The following MAP6 variants were observed in gnomAD, a reference collection of about 807,000 sequenced individuals.
The protein encoded by MAP6 is microtubule-associated protein 6.
Under a neutral mutation model 42.4 loss-of-function variants are expected in MAP6, and 26 were observed. The observed-to-expected ratio is 0.61, with a 90% CI of 0.45 to 0.85. The LOEUF is 0.85. Ranked by LOEUF, MAP6 falls within the 40% of genes least tolerant of loss-of-function variation. The pLI is 0.00. For synonymous variants in MAP6, 418 were observed against 443.8 expected (o/e 0.94, Z 0.73); for missense variants, 966 against 1,099.0 (o/e 0.88, Z 1.71).
intron 1 of MAP6, chr11:75,642,915 C>A: frequency 2.1e-6 from 1 of 485,890 alleles, no homozygotes. Flanking sequence ...AATGATTAGT[C>A]AGCACAATAA....
At chr11:75,622,421 T>C (rs1376126620) in intron 1 of MAP6, among the ~76,000 whole-genome samples, 1 of 151,964 alleles carries the variant, frequency 6.6e-6, no homozygotes, top group African/African-American at 2.4e-5. Flanking sequence ...GTAATAAATG[T>C]AAAAAAAGAA....
chr11:75,620,004 TG>T, intron 1 of MAP6, among the ~76,000 whole-genome samples: 1 of 152,226 alleles, frequency 6.6e-6, no homozygotes, highest in East Asian at 1.9e-4. Flanking sequence ...TTTTAATAAC[TG>T]CCATTCTGAC....
chr11:75,636,450 G>A (rs1943370723), intron 1 of MAP6, among the ~76,000 whole-genome samples: 1 of 152,126 alleles, frequency 6.6e-6, no homozygotes, highest in South Asian at 2.1e-4. Flanking sequence ...TCTGTATTAA[G>A]GGCATCTTTT....
chr11:75,662,160 T>C (rs1333383731), intron 1 of MAP6, among the ~76,000 whole-genome samples: 1 of 152,268 alleles, frequency 6.6e-6, no homozygotes. Context: ...GTGACCCTTA[T>C]GTGATAGAGG....
At chr11:75,605,596 G>GC in intron 3 of MAP6, 1 of 1,354,328 alleles carries the variant, frequency 7.4e-7, no homozygotes, top group Non-Finnish European at 9.5e-7. Context: ...TCCAGGGGCT[G>GC]CCCTCAGGAG....
Position 75,609,832 on chromosome 11 carries a change from T to C in MAP6, c.906-1510A>G, listed in dbSNP as rs967367403. ...TCCCCACCTAGATGCCCCATTGTTA[T>C]GGTTCGAATGTTTGTCCCCTCTAAA... On this transcript the variant is annotated intron_variant, in intron 1 of 3. Transcript: ENST00000304771. Among the ~76,000 whole-genome samples the C allele has an allele frequency of 2.0e-5, 3 of 152,258 alleles. No homozygotes were observed. The South Asian group carries it at 6.2e-4, about 32-fold the overall frequency.
chr11:75,594,545 C>T (rs1287883106), intron 3 of MAP6: 1 of 152,194 alleles, frequency 6.6e-6, no homozygotes, highest in African/African-American at 2.4e-5. Flanking sequence ...TAGTAATTAT[C>T]CTGTTCTTTG....
At chr11:75,650,542 G>C (rs80125100) in intron 1 of MAP6, among the ~76,000 whole-genome samples, 1 of 152,166 alleles carries the variant, frequency 6.6e-6, no homozygotes, top group Non-Finnish European at 1.5e-5. Flanking sequence ...ACATAGTTCA[G>C]AGTCTGTTCC....
intron 1 of MAP6, among the ~76,000 whole-genome samples, chr11:75,647,127 T>C (rs1419499504): frequency 3.3e-5 from 5 of 151,790 alleles, no homozygotes; most frequent in East Asian, 2.0e-4. Context: ...ATTACAGGCA[T>C]GTACCACCAG....
chr11:75,612,819 G>A (rs1237564861), intron 1 of MAP6, among the ~76,000 whole-genome samples: 1 of 152,170 alleles, frequency 6.6e-6, no homozygotes, highest in Non-Finnish European at 1.5e-5. Flanking sequence ...TCCTCTTCCA[G>A]GAACCTCTCC....
rs201003999 is a variant in MAP6 at position 75,587,610 on chromosome 11, T to C, written c.1891A>G (p.Met631Val). 8.7e-6 allele frequency: 14 copies of C among 1,614,006 alleles called. No individual in the cohort carries two copies. The highest frequency in any genetic ancestry group is 1.3e-5 in the African/African-American group (1 of 74,906). The part of the protein sequence containing the change: ...VPAPVKDEGP[M>V]VSAPIKDQDP... ...TGATCCTTGATAGGTGCTGAGACCA[T>C]GGGACCTTCATCCTTGACAGGTGCT... The change falls in exon 4 of 4, where the codon ATG (methionine) becomes GTG (valine). Residue 631 changes from methionine (M) to valine (V), a missense_variant. Physicochemically the swap from Met to Val is conservative, Grantham distance 21 (BLOSUM62 1). Transcript: ENST00000304771.
At position 75,667,076 on chromosome 11, in the gene MAP6, A is replaced by C. The variant is rs548101071; in HGVS notation, c.905+389T>G. 6.6e-6 allele frequency among the ~76,000 whole-genome samples: 1 copy of C among 152,266 alleles called. No individual in the cohort carries two copies. Among genetic ancestry groups the C allele is most frequent in the African/African-American group, 2.4e-5 (1 of 41,550 alleles). The stretch of plus-strand genomic sequence containing the variant: ...TTGGAAAGAATTCTTCTTCTGGAAG[A>C]ATGGGGACCCTGCAAAGGGCAACAT... On this transcript the variant is annotated intron_variant, in intron 1 of 3. Coordinates refer to ENST00000304771, the MANE Select transcript of MAP6 (RefSeq NM_033063.2). The surrounding 1 kb of genome is among the most constrained non-coding windows in gnomAD (Gnocchi z 5.6).
chr11:75,618,842 G>A (rs1028289190), intron 1 of MAP6, among the ~76,000 whole-genome samples: 14 of 152,196 alleles, frequency 9.2e-5, no homozygotes, highest in African/African-American at 3.4e-4. Flanking sequence ...TGATCCAATA[G>A]TGCCAAACCC....
At position 75,664,097 on chromosome 11, in the gene MAP6, C is replaced by T. The variant is rs74657431; in HGVS notation, c.905+3368G>A. 4.5e-3 allele frequency among the ~76,000 whole-genome samples: 692 copies of T among 152,282 alleles called. 5 individuals carry two copies. The highest frequency in any genetic ancestry group is 0.015 in the African/African-American group (644 of 41,558). ...GACTCATCTATTTTCTAATTGAGAA[C>T]GTCAGGTCTAAAGTCACAAATGGCT... On this transcript the variant is annotated intron_variant, in intron 1 of 3. Coordinates refer to ENST00000304771, the MANE Select transcript of MAP6 (RefSeq NM_033063.2).
chr11:75,618,349 G>T (rs1943039399), intron 1 of MAP6, among the ~76,000 whole-genome samples: 2 of 152,096 alleles, frequency 1.3e-5, no homozygotes, highest in Non-Finnish European at 2.9e-5. Context: ...GCTCACGCCT[G>T]TAATCCCAGC....
intron 3 of MAP6, chr11:75,603,765 G>A (rs952839015): frequency 9.6e-5 from 95 of 984,780 alleles, no homozygotes; most frequent in Non-Finnish European, 1.1e-4. Flanking sequence ...CCTGGCACAC[G>A]GGCTTCTAGC....
intron 1 of MAP6, among the ~76,000 whole-genome samples, chr11:75,653,965 C>T (rs563711119): frequency 1.1e-4 from 16 of 152,202 alleles, no homozygotes; most frequent in Non-Finnish European, 1.8e-4. Flanking sequence ...ATGTACACAT[C>T]TTTCATTCAT....
At chr11:75,649,247 G>A (rs1291149795) in intron 1 of MAP6, among the ~76,000 whole-genome samples, 1 of 152,154 alleles carries the variant, frequency 6.6e-6, no homozygotes, top group African/African-American at 2.4e-5. Context: ...ACGTATATGT[G>A]TGTGTTTGCA....
intron 1 of MAP6, among the ~76,000 whole-genome samples, chr11:75,631,156 G>A (rs1171050715): frequency 6.6e-6 from 1 of 152,150 alleles, no homozygotes; most frequent in Non-Finnish European, 1.5e-5. Flanking sequence ...CCTTAAAGAG[G>A]GTTACAGCTG....
Sources: gnomAD v4.1 joint callset for allele counts (sites outside exome capture counted in the v4.1 genomes callset) on GRCh38, gnomAD v4.1.1 for gene constraint, Gnocchi (gnomAD v3.1) non-coding constraint, MANE v1.5 for transcripts, NCBI Gene and HGNC (gene_info 2026-07-23, HGNC 2026-07-21) for gene names.